Variants in TAFA5 observed in about 807,000 individuals in gnomAD.
TAFA5 encodes chemokine-like protein TAFA-5.
TAFA5 carries 6 observed loss-of-function variants against 15.3 expected under a neutral mutation model. The ratio of observed to expected loss-of-function variants is 0.39; its 90% CI spans 0.21 to 0.77. TAFA5 has a LOEUF of 0.77. Ranked by LOEUF, TAFA5 falls within the 30% of genes least tolerant of loss-of-function variation. The pLI is 0.41. For synonymous variants in TAFA5, 103 were observed against 80.7 expected, an observed-to-expected ratio of 1.28 and a Z score of -1.48; for missense variants, 161 against 193.1, an observed-to-expected ratio of 0.83 and a Z score of 0.98.
At chr22:48,513,469 A>G (rs1050187405) in intron 1 of TAFA5, among the ~76,000 whole-genome samples, 27 of 152,286 alleles carry the variant, frequency 1.8e-4, no homozygotes, top group African/African-American at 5.5e-4. Flanking sequence ...AGCCCCCCCA[A>G]TAGAAGGACA....
chr22:48,745,380 C>G (rs908798672), intron 3 of TAFA5, among the ~76,000 whole-genome samples: 1 of 146,488 alleles, frequency 6.8e-6, no homozygotes, highest in Non-Finnish European at 1.5e-5. Flanking sequence ...CTGGCCTGCC[C>G]GGGGTTCACC....
intron 2 of TAFA5, among the ~76,000 whole-genome samples, chr22:48,669,807 A>G (rs1927742542): frequency 6.6e-6 from 1 of 152,252 alleles, no homozygotes; most frequent in Admixed American, 6.5e-5. Context: ...AATGAACCAT[A>G]GCCCAGAGAC....
At chr22:48,616,712 T>G (rs906896288) in intron 1 of TAFA5, among the ~76,000 whole-genome samples, 2 of 152,216 alleles carry the variant, frequency 1.3e-5, no homozygotes, top group African/African-American at 4.8e-5. Context: ...ACCCTCTGTC[T>G]AGGGCTGCAG....
chr22:48,675,680 C>T (rs1465585903), intron 2 of TAFA5, among the ~76,000 whole-genome samples: 3 of 152,278 alleles, frequency 2.0e-5, no homozygotes, highest in African/African-American at 7.2e-5. Context: ...CCCGGCTTCC[C>T]TCTGCAGTCT....
chr22:48,544,469 C>G (rs936946268), intron 1 of TAFA5: 4 of 349,418 alleles, frequency 1.1e-5, no homozygotes, highest in Non-Finnish European at 1.7e-5. Context: ...ACAAGGCAGC[C>G]GTTTGTTGAA....
chr22:48,720,481 G>A (rs1929536239), intron 3 of TAFA5, among the ~76,000 whole-genome samples: 1 of 152,168 alleles, frequency 6.6e-6, no homozygotes, highest in Non-Finnish European at 1.5e-5. Context: ...ACTGGGAAGA[G>A]AGGTGGGAAA....
Position 48,682,520 on chromosome 22 carries a change from A to G in TAFA5, c.263-25197A>G, listed in dbSNP as rs78107884. Among the ~76,000 whole-genome samples, 972 of 152,334 alleles carry G rather than the reference A, an allele frequency of 6.4e-3. 10 individuals carry two copies. The highest frequency in any genetic ancestry group is 0.022 in the African/African-American group (926 of 41,562). On this transcript the variant is annotated intron_variant, in intron 2 of 3. Coordinates refer to ENST00000402357, the MANE Select transcript of TAFA5 (RefSeq NM_001082967.3). ...CTGAGGCTGAAAAGAGGTCTTCTTG[A>G]CATCCTTACCAGCGGTTGGTCAACT...
chr22:48,563,160 G>C (rs1201376773), intron 1 of TAFA5, among the ~76,000 whole-genome samples: 1 of 152,190 alleles, frequency 6.6e-6, no homozygotes, highest in Admixed American at 6.5e-5. Flanking sequence ...TCTTTGCGTG[G>C]CCCCCAAGAG....
intron 1 of TAFA5, among the ~76,000 whole-genome samples, chr22:48,529,343 G>A (rs957710264): frequency 8.9e-6 from 1 of 112,034 alleles, no homozygotes; most frequent in African/African-American, 3.4e-5. Flanking sequence ...GGGTGTCCAG[G>A]CAGGAGATGA....
intron 1 of TAFA5, among the ~76,000 whole-genome samples, chr22:48,499,783 C>A (rs985947985): frequency 1.3e-5 from 2 of 152,208 alleles, no homozygotes; most frequent in Admixed American, 1.3e-4. Flanking sequence ...TTCCTCCCCT[C>A]TTTTTAGGGC....
chr22:48,688,770 C>T (rs2147236191), intron 2 of TAFA5, among the ~76,000 whole-genome samples: 1 of 152,284 alleles, frequency 6.6e-6, no homozygotes, highest in Middle Eastern at 3.4e-3. Context: ...GCTGGCGGAT[C>T]ACCTGAGGTC....
chr22:48,703,271 T>C (rs1928973530), intron 2 of TAFA5, among the ~76,000 whole-genome samples: 1 of 152,154 alleles, frequency 6.6e-6, no homozygotes, highest in Non-Finnish European at 1.5e-5. Flanking sequence ...GCATGGCAGC[T>C]ACAGCATAGG....
intron 3 of TAFA5, among the ~76,000 whole-genome samples, chr22:48,711,296 T>C (rs55739335): frequency 0.035 from 5,298 of 152,128 alleles, 138 homozygotes; most frequent in Non-Finnish European, 0.053. Context: ...CTTGAAGACC[T>C]GTCTCTCAGC....
intron 2 of TAFA5, among the ~76,000 whole-genome samples, chr22:48,664,948 G>C (rs988534705): frequency 6.6e-6 from 1 of 152,194 alleles, no homozygotes; most frequent in Non-Finnish European, 1.5e-5. Flanking sequence ...CTTATCTCCA[G>C]CATTCGCCTT....
chr22:48,559,640 G>A (rs16999444), intron 1 of TAFA5, among the ~76,000 whole-genome samples: 2,881 of 152,096 alleles, frequency 0.019, 112 homozygotes, highest in East Asian at 0.16. Flanking sequence ...CTTGAAAGTG[G>A]GAGAATCAGC....
At chr22:48,507,684 T>C (rs1335088088) in intron 1 of TAFA5, among the ~76,000 whole-genome samples, 3 of 152,056 alleles carry the variant, frequency 2.0e-5, no homozygotes, top group Non-Finnish European at 4.4e-5. Context: ...AGGGTGGACT[T>C]TGTCCTAAGG....
chr22:48,542,417 T>G (rs1922449110), intron 1 of TAFA5, among the ~76,000 whole-genome samples: 1 of 123,010 alleles, frequency 8.1e-6, no homozygotes, highest in Non-Finnish European at 1.7e-5. Flanking sequence ...GTGGCGTGTG[T>G]GGTGTGTATG....
intron 1 of TAFA5, among the ~76,000 whole-genome samples, chr22:48,584,551 C>T (rs535757607): frequency 2.0e-5 from 3 of 148,922 alleles, no homozygotes; most frequent in South Asian, 2.2e-4. Context: ...ACACATCACA[C>T]ACACTACATG....
At chr22:48,565,301 G>A (rs1006128143) in intron 1 of TAFA5, among the ~76,000 whole-genome samples, 4 of 152,234 alleles carry the variant, frequency 2.6e-5, no homozygotes, top group Non-Finnish European at 5.9e-5. Flanking sequence ...ATGGGAAGTG[G>A]CCCTCCTAGC....
Sources: allele counts gnomAD v4.1 joint callset (sites outside exome capture counted in the v4.1 genomes callset), GRCh38; gene constraint gnomAD v4.1.1; transcripts MANE v1.5; gene names NCBI Gene and HGNC (gene_info 2026-07-23, HGNC 2026-07-21).